The following SLCO1B1 variants were observed in gnomAD, a reference collection of about 807,000 sequenced individuals.
SLCO1B1 encodes solute carrier organic anion transporter family member 1B1.
Under a neutral mutation model 70.1 loss-of-function variants are expected in SLCO1B1, and 81 were observed. That is an observed-to-expected ratio of 1.16 (90% confidence interval 0.97 to 1.39). SLCO1B1 has a LOEUF of 1.39. SLCO1B1 is among the 40% of genes most tolerant of loss of function. SLCO1B1 has a pLI of 0.00. For synonymous variants in SLCO1B1, 283 were observed against 271.5 expected, an observed-to-expected ratio of 1.04 and a Z score of -0.42; for missense variants, 895 against 799.6, an observed-to-expected ratio of 1.12 and a Z score of -1.44.
chr12:21,219,155 A>T (rs1307649492), intron 12 of SLCO1B1, among the ~76,000 whole-genome samples: 1 of 152,214 alleles, frequency 6.6e-6, no homozygotes, highest in African/African-American at 2.4e-5. Flanking sequence ...AAACATCTAA[A>T]ATAGAGTAAG....
chr12:21,203,768 C>T (rs1315254503), intron 10 of SLCO1B1, among the ~76,000 whole-genome samples: 1 of 151,926 alleles, frequency 6.6e-6, no homozygotes, highest in Non-Finnish European at 1.5e-5. Flanking sequence ...AGAGATGATG[C>T]AATCCAACCC....
intron 14 of SLCO1B1, among the ~76,000 whole-genome samples, chr12:21,235,055 T>G (rs1485320046): frequency 2.0e-5 from 3 of 151,896 alleles, no homozygotes; most frequent in South Asian, 2.1e-4. Context: ...TTAGATCCAC[T>G]TGGTAAAGAG....
rs937825500 is a variant in SLCO1B1 at position 21,214,437 on chromosome 12, G to A, written c.1498-2682G>A. ...TGCCCGTTCTCAGATCTCCAGCTGC[G>A]TGCCGGGAGAACCACTGCTCTCTTC... On this transcript the variant is annotated intron_variant, in intron 11 of 14. Transcript: ENST00000256958. 7.5e-5 allele frequency among the ~76,000 whole-genome samples: 11 copies of A among 147,050 alleles called. 1 individual carries two copies. Among genetic ancestry groups the A allele is most frequent in the Admixed American group, 4.7e-4 (7 of 14,868 alleles).
chr12:21,154,357 A>G (rs903796355), intron 2 of SLCO1B1, among the ~76,000 whole-genome samples: 53 of 152,248 alleles, frequency 3.5e-4, no homozygotes, highest in Non-Finnish European at 3.1e-4. Context: ...TGCCTCTTCT[A>G]ACATGTGAGG....
intron 12 of SLCO1B1, among the ~76,000 whole-genome samples, chr12:21,217,844 T>C (rs1941378346): frequency 6.6e-6 from 1 of 152,188 alleles, no homozygotes; most frequent in African/African-American, 2.4e-5. Flanking sequence ...GATACAATGC[T>C]TGGTGAATAT....
chr12:21,181,170 A>T (rs1453668659), intron 7 of SLCO1B1, among the ~76,000 whole-genome samples: 1 of 152,198 alleles, frequency 6.6e-6, no homozygotes, highest in Non-Finnish European at 1.5e-5. Flanking sequence ...TAGGCCCTGC[A>T]TTGGCAAGGA....
chr12:21,155,538 G>A (rs1940531813), intron 2 of SLCO1B1, among the ~76,000 whole-genome samples: 1 of 151,690 alleles, frequency 6.6e-6, no homozygotes, highest in South Asian at 2.1e-4. Context: ...TTTCTCTTTT[G>A]AAATGTTTTC....
chr12:21,137,216 C>T (rs2121029840), intron 1 of SLCO1B1, among the ~76,000 whole-genome samples: 1 of 152,250 alleles, frequency 6.6e-6, no homozygotes, highest in Middle Eastern at 3.4e-3. Context: ...GAGTACCCGA[C>T]CGTGTGAGGT....
At chr12:21,225,389 T>A (rs1650584204) in intron 14 of SLCO1B1, among the ~76,000 whole-genome samples, 1 of 152,090 alleles carries the variant, frequency 6.6e-6, no homozygotes, top group African/African-American at 2.4e-5. Context: ...CATGGGCATC[T>A]GGAAAAACAA....
intron 1 of SLCO1B1, among the ~76,000 whole-genome samples, chr12:21,139,397 A>G (rs976297845): frequency 6.6e-6 from 1 of 152,122 alleles, no homozygotes; most frequent in Non-Finnish European, 1.5e-5. Context: ...ACAAAATGTA[A>G]TAATTGGAGT....
chr12:21,229,896 C>T (rs7137060), intron 14 of SLCO1B1, among the ~76,000 whole-genome samples: 19,494 of 151,972 alleles, frequency 0.13, 1,619 homozygotes, highest in Non-Finnish European at 0.18. Flanking sequence ...CTCCCAGTAC[C>T]ATGTTGAAAA....
chr12:21,213,431 T>G, intron 11 of SLCO1B1, among the ~76,000 whole-genome samples: 1 of 151,472 alleles, frequency 6.6e-6, no homozygotes, highest in Non-Finnish European at 1.5e-5. Flanking sequence ...TGCCGAGAGA[T>G]CCGCTGTTAG....
intron 2 of SLCO1B1, among the ~76,000 whole-genome samples, chr12:21,155,514 A>G (rs945073644): frequency 9.2e-5 from 14 of 152,114 alleles, no homozygotes; most frequent in Non-Finnish European, 1.9e-4. Context: ...TCTTCAAACC[A>G]GTTTACTTTT....
At chr12:21,147,847 A>G (rs1392945995) in intron 2 of SLCO1B1, among the ~76,000 whole-genome samples, 1 of 152,106 alleles carries the variant, frequency 6.6e-6, no homozygotes, top group African/African-American at 2.4e-5. Flanking sequence ...AAGCATTCCT[A>G]TTTCTCCACA....
At chr12:21,164,457 A>G (rs1313437794) in intron 2 of SLCO1B1, among the ~76,000 whole-genome samples, 1 of 152,034 alleles carries the variant, frequency 6.6e-6, no homozygotes, top group Admixed American at 6.6e-5. Context: ...TAAGCTTGTT[A>G]TACACTTTTC....
At chr12:21,225,535 A>C (rs2121194828) in intron 14 of SLCO1B1, among the ~76,000 whole-genome samples, 1 of 152,348 alleles carries the variant, frequency 6.6e-6, no homozygotes, top group Non-Finnish European at 1.5e-5. Flanking sequence ...TCTACGAAGC[A>C]GAAACTAAGT....
At chr12:21,191,625 T>G (rs1034655514) in intron 7 of SLCO1B1, among the ~76,000 whole-genome samples, 1 of 152,102 alleles carries the variant, frequency 6.6e-6, no homozygotes, top group African/African-American at 2.4e-5. Flanking sequence ...TGTCTTTTAT[T>G]TCTTTTTCTT....
At chr12:21,185,150 G>A (rs550378153) in intron 7 of SLCO1B1, among the ~76,000 whole-genome samples, 27 of 152,132 alleles carry the variant, frequency 1.8e-4, no homozygotes, top group Admixed American at 1.6e-3. Context: ...AAAACAGACA[G>A]CCACACCATG....
rs4149102 is a variant in SLCO1B1, at chr12:21,222,372, G to GAAAAAAAA, written c.1747+27_1747+34dup. On this transcript the variant is annotated intron_variant, in intron 13 of 14. Coordinates refer to ENST00000256958, the MANE Select transcript of SLCO1B1 (RefSeq NM_006446.5). ...TGGTTATACGAGCACTAGGTATGATGAAAAAAAAAAAAAAAAAAAAAAAAA... is the reference window on the plus strand; with the variant it reads ...TGGTTATACGAGCACTAGGTATGATGAAAAAAAAAAAAAAAAAAAAAAAAAAAAAAAAA... The GAAAAAAAA allele has an allele frequency of 2.0e-4, 5 of 24,952 alleles. No individual in the cohort carries two copies. The highest frequency in any genetic ancestry group is 9.2e-4 in the African/African-American group (3 of 3,256). The allele number at this position is 24,952 out of a possible 1,614,324, so 1.5% of individuals were successfully genotyped here. A position where few individuals can be genotyped will look rare whatever the true frequency, so the allele number is the denominator to read the frequency against.
Sources: allele counts gnomAD v4.1 joint callset (sites outside exome capture counted in the v4.1 genomes callset), GRCh38; gene constraint gnomAD v4.1.1; transcripts MANE v1.5; gene names NCBI Gene and HGNC (gene_info 2026-07-23, HGNC 2026-07-21).